EFCAB11: variants seen among roughly 807,000 people sequenced by gnomAD.
The protein encoded by EFCAB11 is EF-hand calcium binding domain 11.
A neutral mutation model predicts 23.0 loss-of-function variants in EFCAB11; 14 were observed. That is an observed-to-expected ratio of 0.61 (90% CI 0.40 to 0.95). EFCAB11 has a LOEUF of 0.95. Ranked by LOEUF, EFCAB11 falls within the 40% of genes least tolerant of loss-of-function variation. The probability of loss-of-function intolerance (pLI) is 0.00; values close to 1 mark genes in which losing one functional copy is unlikely to be tolerated. For synonymous variants in EFCAB11, 65 were observed against 66.6 expected, an observed-to-expected ratio of 0.98 and a Z score of 0.11; for missense variants, 198 against 195.8, an observed-to-expected ratio of 1.01 and a Z score of -0.07.
At chr14:89,904,546 G>A (rs867213729) in intron 5 of EFCAB11, among the ~76,000 whole-genome samples, 5 of 152,066 alleles carry the variant, frequency 3.3e-5, no homozygotes, top group Non-Finnish European at 7.4e-5. Flanking sequence ...TTGAGGAATC[G>A]CCACACTGTC....
intron 5 of EFCAB11, among the ~76,000 whole-genome samples, chr14:89,853,988 T>C (rs1887673523): frequency 6.6e-6 from 1 of 151,956 alleles, no homozygotes; most frequent in Non-Finnish European, 1.5e-5. Context: ...GCTAAATGTG[T>C]TACATCTCAG....
chr14:89,827,736 C>T (rs924780806), intron 5 of EFCAB11, among the ~76,000 whole-genome samples: 1 of 148,488 alleles, frequency 6.7e-6, no homozygotes, highest in Non-Finnish European at 1.5e-5. Context: ...CGGGTTCAAG[C>T]GATTCTCCTG....
intron 5 of EFCAB11, among the ~76,000 whole-genome samples, chr14:89,930,243 T>C (rs988174318): frequency 1.3e-5 from 2 of 152,236 alleles, no homozygotes; most frequent in Non-Finnish European, 2.9e-5. Context: ...CTGTTAATGA[T>C]AATGACTGCA....
intron 5 of EFCAB11, among the ~76,000 whole-genome samples, chr14:89,829,147 A>G (rs2140111853): frequency 6.6e-6 from 1 of 152,336 alleles, no homozygotes; most frequent in African/African-American, 2.4e-5. Flanking sequence ...ATTGTCAACA[A>G]ATGTGGTTTG....
At chr14:89,824,128 C>T (rs1886616018) in intron 5 of EFCAB11, among the ~76,000 whole-genome samples, 1 of 152,008 alleles carries the variant, frequency 6.6e-6, no homozygotes, top group Non-Finnish European at 1.5e-5. Flanking sequence ...AAAAACAACA[C>T]CATAATCAAA....
At chr14:89,950,536 CAT>C (rs1325007624) in intron 2 of EFCAB11, among the ~76,000 whole-genome samples, 15 of 152,008 alleles carry the variant, frequency 9.9e-5, no homozygotes, top group African/African-American at 2.9e-4. Context: ...AAAAGTATCA[CAT>C]GATTGATGTA....
At chr14:89,950,773 G>C (rs370310641) in intron 2 of EFCAB11, among the ~76,000 whole-genome samples, 2 of 152,058 alleles carry the variant, frequency 1.3e-5, no homozygotes, top group African/African-American at 4.8e-5. Context: ...TAGTATTAGA[G>C]CCTTCGCAGC....
intron 5 of EFCAB11, among the ~76,000 whole-genome samples, chr14:89,911,609 C>T (rs1407902255): frequency 2.0e-5 from 3 of 152,252 alleles, no homozygotes; most frequent in African/African-American, 7.2e-5. Flanking sequence ...GTAAATACTT[C>T]TCAGCCACCA....
chr14:89,934,759 T>C (rs1477592647), intron 3 of EFCAB11, among the ~76,000 whole-genome samples: 1 of 152,180 alleles, frequency 6.6e-6, no homozygotes, highest in Non-Finnish European at 1.5e-5. Context: ...AAAATTGAAG[T>C]CTAGCTATGC....
At chr14:89,806,769 C>G (rs1034776352) in intron 5 of EFCAB11, among the ~76,000 whole-genome samples, 6 of 152,132 alleles carry the variant, frequency 3.9e-5, no homozygotes, top group Non-Finnish European at 8.8e-5. Flanking sequence ...ACTTGTCAAG[C>G]TGAATGGCTA....
chr14:89,876,995 T>G (rs1317996176), intron 5 of EFCAB11, among the ~76,000 whole-genome samples: 1 of 152,142 alleles, frequency 6.6e-6, no homozygotes, highest in Non-Finnish European at 1.5e-5. Context: ...GAGGCATGTT[T>G]GACTGAGATA....
chr14:89,858,185 C>A (rs1427965779), intron 5 of EFCAB11, among the ~76,000 whole-genome samples: 5 of 152,222 alleles, frequency 3.3e-5, no homozygotes, highest in African/African-American at 1.2e-4. Context: ...GGTGAAGACA[C>A]TCAAGCTGCC....
intron 5 of EFCAB11, among the ~76,000 whole-genome samples, chr14:89,925,548 A>T (rs1890163087): frequency 6.6e-6 from 1 of 152,176 alleles, no homozygotes; most frequent in Admixed American, 6.5e-5. Flanking sequence ...TTTAATGGGT[A>T]GAAATTCTGA....
chr14:89,806,528 T>G (rs1885973896), intron 5 of EFCAB11, among the ~76,000 whole-genome samples: 1 of 152,328 alleles, frequency 6.6e-6, no homozygotes, highest in East Asian at 1.9e-4. Flanking sequence ...AAAGTCAAAG[T>G]GAACATCTTT....
At chr14:89,952,535 CATA>C in intron 2 of EFCAB11, 1 of 985,422 alleles carries the variant, frequency 1.0e-6, no homozygotes, top group Non-Finnish European at 1.2e-6. Flanking sequence ...CTCTGAGCTC[CATA>C]ATAAGCTTCT....
At chr14:89,847,900 G>C (rs944107149) in intron 5 of EFCAB11, among the ~76,000 whole-genome samples, 8 of 152,168 alleles carry the variant, frequency 5.3e-5, no homozygotes, top group African/African-American at 1.9e-4. Flanking sequence ...GGTTCAGAAT[G>C]AGAGCAATCA....
At chr14:89,923,777 T>C (rs1296251303) in intron 5 of EFCAB11, 2 of 985,258 alleles carry the variant, frequency 2.0e-6, no homozygotes, top group Non-Finnish European at 2.4e-6. Flanking sequence ...CACAAAATAA[T>C]GACTGGAAAT....
chr14:89,852,651 A>G (rs1183634134), intron 5 of EFCAB11, among the ~76,000 whole-genome samples: 5 of 152,228 alleles, frequency 3.3e-5, no homozygotes, highest in Admixed American at 1.3e-4. Flanking sequence ...ACCACTGGGA[A>G]ACAATCTCGA....
chr14:89,944,087 G>T (rs1431953703), intron 3 of EFCAB11, among the ~76,000 whole-genome samples: 2 of 152,340 alleles, frequency 1.3e-5, no homozygotes. Flanking sequence ...AAAAGCCACT[G>T]TATTAATCTT....
Sources: allele counts gnomAD v4.1 joint callset (sites outside exome capture counted in the v4.1 genomes callset), GRCh38; gene constraint gnomAD v4.1.1; transcripts MANE v1.5; gene names NCBI Gene and HGNC (gene_info 2026-07-23, HGNC 2026-07-21).